RYR2: variants seen among roughly 807,000 people sequenced by gnomAD.
The protein encoded by RYR2 is cardiac muscle ryanodine receptor-calcium release channel.
A neutral mutation model predicts 601.1 loss-of-function variants in RYR2; 227 were observed. The ratio of observed to expected loss-of-function variants is 0.38; its 90% CI spans 0.34 to 0.42. RYR2 has a LOEUF of 0.42. RYR2 is among the 10% of genes least tolerant of loss of function. The probability of loss-of-function intolerance (pLI) is 1.00; values close to 1 mark genes in which losing one functional copy is unlikely to be tolerated. For missense variants in RYR2, 4,646 were observed against 6,156.5 expected, an observed-to-expected ratio of 0.75 and a Z score of 8.21; for synonymous variants, 2,223 against 2,175.1, an observed-to-expected ratio of 1.02 and a Z score of -0.61.
chr1:237,654,153 T>A lies in RYR2; in HGVS notation c.7825-121T>A, dbSNP rs138281633. The A allele has an allele frequency of 1.8e-3, 2,088 of 1,159,644 alleles. 26 individuals carry two copies. The African/African-American group carries it at 0.027, about 15-fold the overall frequency. 71.8% of individuals were successfully genotyped at this position (1,159,644 alleles called of 1,614,324 possible). ...TTCTCCAAGATAATTTATATGGGAT[T>A]GGGCAATTTCACTTCAGATGACCTT... is the stretch of plus-strand genomic sequence containing the variant. On this transcript the variant is annotated intron_variant, in intron 51 of 104. Transcript: ENST00000366574.
intron 2 of RYR2, 72 bp from the exon 3 acceptor site, chr1:237,330,806 C>T: frequency 8.8e-7 from 1 of 1,141,904 alleles, no homozygotes; most frequent in Non-Finnish European, 1.3e-6. Context: ...AAACTGGAGC[C>T]TCCTAAGGTA....
intron 24 of RYR2, among the ~76,000 whole-genome samples, chr1:237,512,221 T>A (rs999898325): frequency 2.0e-5 from 3 of 152,206 alleles, no homozygotes; most frequent in Non-Finnish European, 2.9e-5. Flanking sequence ...ATATTGAATC[T>A]AATGATTTAA....
rs777736127 is a variant in RYR2, at chr1:237,700,359, C to T, written c.9259C>T (p.Pro3087Ser). ...QGQFTHTRNQ[P>S]KGVTQIINYT... The stretch of plus-strand genomic sequence containing the variant: ...CCAGTTCACTCACACCCGAAACCAG[C>T]CCAAAGGGGTTACTCAGATTATCAA... Residue 3087 changes from proline (P) to serine (S), a missense_variant, in exon 65 of 105, where the codon CCC becomes TCC. Around this residue, in one of 17 missense-constraint regions of RYR2, gnomAD observed 1,497 missense variants for 1,842.6 expected, o/e 0.81. Transcript: ENST00000366574. 3.1e-6 allele frequency: 5 copies of T among 1,604,656 alleles called. No homozygotes were observed. Among genetic ancestry groups the T allele is most frequent in the African/African-American group, 1.3e-5 (1 of 74,782 alleles).
At chr1:237,590,112 C>A in intron 30 of RYR2, 111 bp downstream of exon 30, 2 of 986,764 alleles carry the variant, frequency 2.0e-6, no homozygotes, top group African/African-American at 1.6e-5. Flanking sequence ...AAATGATGAC[C>A]TTGATGTGTT....
chr1:237,527,950 C>T (rs896799235), intron 24 of RYR2, among the ~76,000 whole-genome samples: 7 of 152,156 alleles, frequency 4.6e-5, no homozygotes, highest in Non-Finnish European at 4.4e-5. Context: ...TGCGAATCAT[C>T]GCTTTGTCCC....
chr1:237,255,810 A>G (rs1261475256), intron 1 of RYR2, among the ~76,000 whole-genome samples: 2 of 149,396 alleles, frequency 1.3e-5, no homozygotes, highest in Non-Finnish European at 3.0e-5. Flanking sequence ...TATTTGTGTG[A>G]TGTTCTAGTT....
chr1:237,595,555 A>G lies in RYR2; in HGVS notation c.4494A>G (p.Gln1498=). The G allele has an allele frequency of 6.2e-7, 1 of 1,613,748 alleles. No homozygotes were observed. Among genetic ancestry groups the G allele is most frequent in the Non-Finnish European group, 8.5e-7 (1 of 1,179,750 alleles). ...VCAGESMSPG[Q]GRNNNGLEIG... is the part of the protein sequence containing the mutation. The stretch of plus-strand genomic sequence containing the variant: ...CGGGTGAGAGCATGAGCCCCGGGCA[A>G]GGACGCAACAATAATGGACTGGAGA... The change falls in exon 34 of 105, where the codon CAA becomes CAG. Residue 1498 remains glutamine (Q), a synonymous_variant. Transcript: ENST00000366574.
chr1:237,154,447 G>A (rs59119367), intron 1 of RYR2, among the ~76,000 whole-genome samples: 7,108 of 152,184 alleles, frequency 0.047, 438 homozygotes, highest in African/African-American at 0.14. Flanking sequence ...GAGGAAAGTC[G>A]GTTGCAGCTT....
chr1:237,616,429 A>G (rs573885049), intron 37 of RYR2, among the ~76,000 whole-genome samples: 1 of 152,290 alleles, frequency 6.6e-6, no homozygotes, highest in Non-Finnish European at 1.5e-5. Context: ...TCTTAAGTTT[A>G]GATTTCTAGA....
chr1:237,074,582 C>A (rs1044751383), intron 1 of RYR2, among the ~76,000 whole-genome samples: 3 of 152,220 alleles, frequency 2.0e-5, no homozygotes, highest in African/African-American at 7.2e-5. Context: ...CTGCCACAAC[C>A]TCCCCCAGCC....
chr1:237,682,482 A>T (rs1002391068), intron 62 of RYR2, among the ~76,000 whole-genome samples: 6 of 152,190 alleles, frequency 3.9e-5, no homozygotes, highest in Non-Finnish European at 5.9e-5. Context: ...ATTTTTACTA[A>T]TTTTTTTAGA....
intron 53 of RYR2, among the ~76,000 whole-genome samples, chr1:237,657,060 T>C (rs1384750745): frequency 6.6e-6 from 1 of 152,210 alleles, no homozygotes; most frequent in African/African-American, 2.4e-5. Flanking sequence ...GTTGATTAAA[T>C]CCAATTAATT....
Position 237,830,600 on chromosome 1 carries a change from CT to C in RYR2, c.14729del (p.Leu4910TyrfsTer13). 6.2e-7 allele frequency: 1 copy of C among 1,608,188 alleles called. No homozygotes were observed. The highest frequency in any genetic ancestry group is 8.5e-7 in the Non-Finnish European group (1 of 1,174,822). ...GTGCCACATGGCTTTGAAACCCACA[CT>C]TTACAGGAGCACAACTTGGCTAATT... is the stretch of plus-strand genomic sequence containing the variant. ...DTVPHGFETH[T>X]LQEHNLANYL... On this transcript the variant is annotated frameshift_variant, in exon 103 of 105. Coordinates refer to ENST00000366574, the MANE Select transcript of RYR2 (RefSeq NM_001035.3). LOFTEE classifies it high-confidence loss of function.
rs1046406129 is a variant in RYR2, at chr1:237,640,886, A to T, written c.7116-11A>T. 27 of 1,607,886 alleles carry T rather than the reference A, an allele frequency of 1.7e-5. No individual in the cohort carries two copies. Among genetic ancestry groups the T allele is most frequent in the Non-Finnish European group, 2.3e-5 (27 of 1,175,964 alleles). On this transcript the variant is annotated splice_polypyrimidine_tract_variant and intron_variant, in intron 46 of 104. Transcript: ENST00000366574. ...ATTTGCTTTCTCTTTCTTTTGAAAC[A>T]TTCATGAAAGTGACACAGAGGAGGA...
chr1:237,561,176 A>G (rs541600431), intron 27 of RYR2, among the ~76,000 whole-genome samples: 52 of 152,324 alleles, frequency 3.4e-4, no homozygotes, highest in Admixed American at 2.5e-3. Context: ...GAATTTAGAG[A>G]TAGAGCCACT....
At chr1:237,115,840 A>C (rs2490389) in intron 1 of RYR2, among the ~76,000 whole-genome samples, 88,047 of 151,976 alleles carry the variant, frequency 0.58, 25,847 homozygotes, top group Admixed American at 0.68. Context: ...AATTTACTCT[A>C]TCTAGGAAGA....
intron 1 of RYR2, among the ~76,000 whole-genome samples, chr1:237,219,496 A>T (rs555717195): frequency 2.6e-5 from 4 of 152,260 alleles, no homozygotes; most frequent in African/African-American, 7.2e-5. Context: ...CGTCTACTTA[A>T]GTCTTATTAA....
intron 1 of RYR2, among the ~76,000 whole-genome samples, chr1:237,143,716 G>T (rs1398134079): frequency 6.6e-6 from 1 of 152,060 alleles, no homozygotes; most frequent in East Asian, 1.9e-4. Context: ...TCCTTTTAGG[G>T]CCCGTGCCTT....
At chr1:237,558,815 C>T (rs1455341326) in intron 27 of RYR2, among the ~76,000 whole-genome samples, 3 of 152,128 alleles carry the variant, frequency 2.0e-5, no homozygotes, top group African/African-American at 7.2e-5. Context: ...TTCAGTTTTT[C>T]ATACTTGACT....
Sources: gnomAD v4.1 joint callset for allele counts (sites outside exome capture counted in the v4.1 genomes callset) on GRCh38, gnomAD v4.1.1 for gene constraint, gnomAD v4.1.1 regional missense constraint, MANE v1.5 for transcripts, NCBI Gene and HGNC (gene_info 2026-07-23, HGNC 2026-07-21) for gene names.